Variants in RGS7 observed in about 807,000 individuals in gnomAD.
RGS7 encodes regulator of G protein signaling 7.
Under a neutral mutation model 81.1 loss-of-function variants are expected in RGS7, and 27 were observed. The observed-to-expected ratio is 0.33, with a 90% CI of 0.25 to 0.46. RGS7 has a LOEUF of 0.46. RGS7 is among the 20% of genes least tolerant of loss of function. The probability of loss-of-function intolerance (pLI) is 1.00; values close to 1 mark genes in which losing one functional copy is unlikely to be tolerated. For missense variants in RGS7, 396 were observed against 607.4 expected (o/e 0.65, Z 3.66); for synonymous variants, 208 against 207.7 (o/e 1.00, Z -0.01).
At chr1:241,073,475 A>G (rs189875621) in intron 3 of RGS7, among the ~76,000 whole-genome samples, 174 of 152,394 alleles carry the variant, frequency 1.1e-3, no homozygotes, top group Non-Finnish European at 2.0e-3. Flanking sequence ...TTGGCTACAA[A>G]GTTAGATAAA....
intron 2 of RGS7, among the ~76,000 whole-genome samples, chr1:241,331,156 G>T (rs1327278495): frequency 6.6e-6 from 1 of 152,140 alleles, no homozygotes; most frequent in African/African-American, 2.4e-5. Context: ...AAAAATGGAA[G>T]AAAGTCTAAT....
At chr1:241,205,465 C>CTT (rs760185398) in intron 2 of RGS7, among the ~76,000 whole-genome samples, 2 of 144,156 alleles carry the variant, frequency 1.4e-5, no homozygotes. Flanking sequence ...GTAGGATATA[C>CTT]TTTTTTTTTT....
At chr1:241,250,157 T>C (rs1034258087) in intron 2 of RGS7, among the ~76,000 whole-genome samples, 16 of 152,208 alleles carry the variant, frequency 1.1e-4, no homozygotes, top group African/African-American at 3.6e-4. Flanking sequence ...TTTCTTAATC[T>C]TGATGGTGAG....
intron 6 of RGS7, among the ~76,000 whole-genome samples, chr1:240,906,856 C>T (rs1436556869): frequency 6.6e-6 from 1 of 152,146 alleles, no homozygotes; most frequent in African/African-American, 2.4e-5. Flanking sequence ...AAATCTGTCC[C>T]ATAACAAAGC....
chr1:241,278,029 C>G (rs1199194344), intron 2 of RGS7, among the ~76,000 whole-genome samples: 2 of 152,188 alleles, frequency 1.3e-5, no homozygotes, highest in Non-Finnish European at 2.9e-5. Flanking sequence ...ACTCTTTGCT[C>G]ATGTTGTCTT....
intron 2 of RGS7, among the ~76,000 whole-genome samples, chr1:241,327,029 A>AG (rs1558320456): frequency 0.016 from 257 of 16,348 alleles, 37 homozygotes; most frequent in Admixed American, 0.04. Context: ...GAAGGAAGGA[A>AG]GGAAGGAAGG....
At chr1:240,823,523 C>T in intron 10 of RGS7, 1 of 177,308 alleles carries the variant, frequency 5.6e-6, no homozygotes. Flanking sequence ...GACCCTGGAT[C>T]AGCAAGGGGT....
At chr1:241,206,261 G>T (rs894946457) in intron 2 of RGS7, among the ~76,000 whole-genome samples, 4 of 136,418 alleles carry the variant, frequency 2.9e-5, no homozygotes, top group Non-Finnish European at 6.1e-5. Flanking sequence ...ACAGAGTTTC[G>T]CTCTGTCACC....
intron 9 of RGS7, among the ~76,000 whole-genome samples, chr1:240,849,703 A>G (rs1220038293): frequency 1.3e-5 from 2 of 152,084 alleles, no homozygotes; most frequent in African/African-American, 2.4e-5. Flanking sequence ...TCCTGCTCTC[A>G]CTGTGTGATG....
Position 241,222,533 on chromosome 1 carries a change from A to G in RGS7, c.79-123771T>C, listed in dbSNP as rs149783347. Among the ~76,000 whole-genome samples the G allele has an allele frequency of 5.5e-4, 84 of 152,300 alleles. No individual in the cohort carries two copies. The Middle Eastern group carries it at 0.014, about 25-fold the overall frequency. Reference sequence around the variant, plus strand: ...GAAAGGCTTCATCTGGATGAATGGTATGATTTTCTGGCCTCAAAGCAGAGC... The same window carrying G: ...GAAAGGCTTCATCTGGATGAATGGTGTGATTTTCTGGCCTCAAAGCAGAGC... On this transcript the variant is annotated intron_variant, in intron 2 of 18. Transcript: ENST00000440928.
In RGS7 at chr1:241,026,171, A is replaced by G. The variant is rs148972988; in HGVS notation, c.176-43042T>C. 2.2e-3 allele frequency among the ~76,000 whole-genome samples: 328 copies of G among 152,332 alleles called. 1 individual carries two copies. The highest frequency in any genetic ancestry group is 7.6e-3 in the African/African-American group (318 of 41,582). ...TCAGCAACTACACATTTTTCTTATT[A>G]TATTTTGCCTTCCCAGTGTCTAGTG... On this transcript the variant is annotated intron_variant, in intron 3 of 18. Coordinates refer to ENST00000440928, the MANE Select transcript of RGS7 (RefSeq NM_001364886.1).
chr1:241,329,023 A>G (rs1038432920), intron 2 of RGS7, among the ~76,000 whole-genome samples: 5 of 152,226 alleles, frequency 3.3e-5, no homozygotes, highest in African/African-American at 1.2e-4. Context: ...TTCATTTTCC[A>G]TATGGGCAAC....
chr1:241,039,343 A>T (rs981855349), intron 3 of RGS7, among the ~76,000 whole-genome samples: 1 of 151,652 alleles, frequency 6.6e-6, no homozygotes, highest in Non-Finnish European at 1.5e-5. Context: ...GTTCATAGAT[A>T]AACCACAAGG....
At chr1:241,228,321 G>A in intron 2 of RGS7, among the ~76,000 whole-genome samples, 1 of 152,132 alleles carries the variant, frequency 6.6e-6, no homozygotes, top group East Asian at 1.9e-4. Context: ...TCATGGAGCT[G>A]AAATAACATG....
At chr1:241,279,023 C>T (rs1446675496) in intron 2 of RGS7, among the ~76,000 whole-genome samples, 1 of 152,116 alleles carries the variant, frequency 6.6e-6, no homozygotes, top group Non-Finnish European at 1.5e-5. Context: ...ACACACCTTC[C>T]CCATAGTTAA....
intron 6 of RGS7, among the ~76,000 whole-genome samples, chr1:240,883,936 C>T (rs1666871321): frequency 1.3e-5 from 2 of 151,942 alleles, no homozygotes; most frequent in East Asian, 1.9e-4. Context: ...ATTAGCCAGG[C>T]GTGGTGGCAC....
intron 3 of RGS7, among the ~76,000 whole-genome samples, chr1:241,030,373 T>TATATATACACACAC: frequency 7.4e-6 from 1 of 135,240 alleles, no homozygotes; most frequent in African/African-American, 2.8e-5. Context: ...TATATATATA[T>TATATATACACACAC]ACATACACAC....
intron 3 of RGS7, among the ~76,000 whole-genome samples, chr1:241,082,473 C>G (rs761757683): frequency 2.0e-5 from 3 of 152,178 alleles, no homozygotes; most frequent in Non-Finnish European, 4.4e-5. Flanking sequence ...GAAAATAAGT[C>G]AGAGCTTGTC....
rs189294273 is a variant in RGS7 at position 241,131,885 on chromosome 1, G to T, written c.79-33123C>A. The stretch of plus-strand genomic sequence containing the variant: ...TCAAGCAAAGACTGAAAGACATTTC[G>T]TTAATGGTCTGCCTCATCACATCAG... On this transcript the variant is annotated intron_variant, in intron 2 of 18. Transcript: ENST00000440928. Among the ~76,000 whole-genome samples the T allele has an allele frequency of 3.9e-5, 6 of 152,266 alleles. No individual in the cohort carries two copies. The East Asian group carries it at 5.8e-4, about 15-fold the overall frequency.
Sources: gnomAD v4.1 joint callset for allele counts (sites outside exome capture counted in the v4.1 genomes callset) on GRCh38, gnomAD v4.1.1 for gene constraint, MANE v1.5 for transcripts, NCBI Gene and HGNC (gene_info 2026-07-23, HGNC 2026-07-21) for gene names.